Variants in CLNK observed in about 807,000 individuals in gnomAD.
CLNK encodes cytokine-dependent hematopoietic cell linker.
CLNK carries 74 observed loss-of-function variants against 68.6 expected under a neutral mutation model. That is an observed-to-expected ratio of 1.08 (90% CI 0.89 to 1.31). The LOEUF is 1.31. CLNK is among the 50% of genes most tolerant of loss of function. CLNK has a pLI of 0.00. For missense variants in CLNK, 553 were observed against 515.3 expected, an observed-to-expected ratio of 1.07 and a Z score of -0.71; for synonymous variants, 198 against 172.2, an observed-to-expected ratio of 1.15 and a Z score of -1.17.
intron 11 of CLNK, among the ~76,000 whole-genome samples, chr4:10,537,225 C>A (rs1718792547): frequency 6.6e-6 from 1 of 152,210 alleles, no homozygotes; most frequent in African/African-American, 2.4e-5. Context: ...CGTCTGTAAT[C>A]CCAGCACTTT....
chr4:10,563,110 G>T (rs559281726), intron 7 of CLNK, among the ~76,000 whole-genome samples: 1 of 152,098 alleles, frequency 6.6e-6, no homozygotes, highest in African/African-American at 2.4e-5. Context: ...GTAAATGGTC[G>T]GTGTTGCTTG....
At chr4:10,558,292 A>T in intron 8 of CLNK, 115 bp downstream of exon 8, 1 of 809,376 alleles carries the variant, frequency 1.2e-6, no homozygotes, top group Non-Finnish European at 2.1e-6. Flanking sequence ...GTGTAATTCA[A>T]TAGATCACCT....
At chr4:10,618,106 C>T (rs1722302685) in intron 2 of CLNK, among the ~76,000 whole-genome samples, 1 of 152,136 alleles carries the variant, frequency 6.6e-6, no homozygotes, top group African/African-American at 2.4e-5. Context: ...CCATAAGAGC[C>T]TCAGACGGAA....
chr4:10,693,011 A>G, the CLNK span, among the ~76,000 whole-genome samples: 1 of 152,244 alleles, frequency 6.6e-6, no homozygotes, highest in Admixed American at 6.5e-5. Flanking sequence ...ATCTGGGGAC[A>G]TAATTTTCAT....
intron 2 of CLNK, among the ~76,000 whole-genome samples, chr4:10,660,950 G>C (rs1221604377): frequency 2.0e-5 from 3 of 152,194 alleles, no homozygotes; most frequent in Non-Finnish European, 4.4e-5. Flanking sequence ...GATAGCATCA[G>C]AGGACAGACC....
intron 17 of CLNK, among the ~76,000 whole-genome samples, chr4:10,503,660 A>G (rs1332354430): frequency 6.7e-6 from 1 of 149,640 alleles, no homozygotes; most frequent in East Asian, 1.9e-4. Context: ...TACTTTAAGT[A>G]TACAAAATTT....
chr4:10,675,881 C>T (rs946432560), intron 1 of CLNK, among the ~76,000 whole-genome samples: 1 of 152,140 alleles, frequency 6.6e-6, no homozygotes, highest in Non-Finnish European at 1.5e-5. Context: ...AGGCTTAAGG[C>T]TTTCTTTTAT....
chr4:10,709,664 G>A, the CLNK span, among the ~76,000 whole-genome samples: 1 of 151,998 alleles, frequency 6.6e-6, no homozygotes, highest in Non-Finnish European at 1.5e-5. Context: ...AACTTGCTCT[G>A]GGCAACAGAT....
chr4:10,497,425 G>T (rs1014413390), intron 18 of CLNK, among the ~76,000 whole-genome samples: 3 of 152,150 alleles, frequency 2.0e-5, no homozygotes, highest in East Asian at 1.9e-4. Context: ...AATAAGGAAC[G>T]CAAAGGAGGA....
chr4:10,540,323 C>A (rs1345721751), intron 11 of CLNK, among the ~76,000 whole-genome samples, 171 bp downstream of exon 11: 1 of 152,186 alleles, frequency 6.6e-6, no homozygotes, highest in Non-Finnish European at 1.5e-5. Context: ...GTCAATTAAA[C>A]CTCTTTTCTT....
chr4:10,665,928 T>C (rs1483586239), intron 2 of CLNK, among the ~76,000 whole-genome samples: 1 of 152,176 alleles, frequency 6.6e-6, no homozygotes, highest in East Asian at 1.9e-4. Context: ...TAGTTAAGGA[T>C]CTTGATAAGA....
chr4:10,539,720 TATA>T (rs1718941212), intron 11 of CLNK, among the ~76,000 whole-genome samples: 1 of 152,228 alleles, frequency 6.6e-6, no homozygotes, highest in South Asian at 2.1e-4. Context: ...GGGATGGTTT[TATA>T]ATATTTATTT....
intron 2 of CLNK, among the ~76,000 whole-genome samples, chr4:10,610,771 AACACACACACACACACAC>A (rs59809551): frequency 2.7e-4 from 39 of 144,602 alleles, no homozygotes; most frequent in Middle Eastern, 3.5e-3. Flanking sequence ...ATAAAAAAGC[AACACACACACACACACAC>A]ACACACACAC....
chr4:10,615,387 G>A (rs1045598898), intron 2 of CLNK, among the ~76,000 whole-genome samples: 1 of 152,084 alleles, frequency 6.6e-6, no homozygotes, highest in Non-Finnish European at 1.5e-5. Context: ...ATTGGAAGGA[G>A]GAAGGAGAAT....
intron 7 of CLNK, among the ~76,000 whole-genome samples, chr4:10,561,420 G>T (rs1449225116): frequency 6.6e-6 from 1 of 152,150 alleles, no homozygotes; most frequent in African/African-American, 2.4e-5. Context: ...AATAGAAAGT[G>T]TAAGAGTAAA....
the CLNK span, among the ~76,000 whole-genome samples, chr4:10,699,568 A>G: frequency 1.4e-5 from 2 of 137,958 alleles, no homozygotes; most frequent in Non-Finnish European, 3.0e-5. Flanking sequence ...GCTGGAGCAC[A>G]GTGGCACCAT....
chr4:10,627,203 C>T (rs910552961), intron 2 of CLNK, among the ~76,000 whole-genome samples: 1 of 152,104 alleles, frequency 6.6e-6, no homozygotes, highest in Non-Finnish European at 1.5e-5. Flanking sequence ...TCCCTGAGGG[C>T]CAGGAGTAGC....
chr4:10,675,001 G>A (rs1376071493), intron 1 of CLNK, among the ~76,000 whole-genome samples: 1 of 152,074 alleles, frequency 6.6e-6, no homozygotes, highest in Non-Finnish European at 1.5e-5. Flanking sequence ...GGGAGGGAGA[G>A]CATTAGGACA....
At chr4:10,574,313 C>G (rs1041471733) in intron 4 of CLNK, among the ~76,000 whole-genome samples, 4 of 152,186 alleles carry the variant, frequency 2.6e-5, no homozygotes, top group African/African-American at 9.6e-5. Flanking sequence ...CTACCTTGAA[C>G]TCTCTTCTCT....
Sources: gnomAD v4.1 joint callset for allele counts (sites outside exome capture counted in the v4.1 genomes callset) on GRCh38, gnomAD v4.1.1 for gene constraint, MANE v1.5 for transcripts, NCBI Gene and HGNC (gene_info 2026-07-23, HGNC 2026-07-21) for gene names.